The following RPH3AL variants were observed in gnomAD, a reference collection of about 807,000 sequenced individuals.
RPH3AL encodes the protein rab effector Noc2.
RPH3AL carries 38 observed loss-of-function variants against 43.1 expected under a neutral mutation model. The observed-to-expected ratio is 0.88, with a 90% confidence interval of 0.68 to 1.15. The LOEUF is 1.15. RPH3AL is among the 50% of genes most tolerant of loss of function. The pLI, the probability that RPH3AL is intolerant of heterozygous loss-of-function variation, is 0.00. For synonymous variants in RPH3AL, 189 were observed against 176.3 expected (o/e 1.07, Z -0.57); for missense variants, 462 against 423.2 (o/e 1.09, Z -0.81).
In RPH3AL at chr17:348,690, A is replaced by G. The variant is rs190516101; in HGVS notation, c.-213+4022T>C. On this transcript the variant is annotated intron_variant, in intron 1 of 9. Transcript: ENST00000331302. ...ACATTTGAGTGTTATACCCTCCCGA[A>G]TGCTTTTGTGTGGACTAATCACAGG... is the stretch of plus-strand genomic sequence containing the variant. Among the ~76,000 whole-genome samples, 384 of 152,264 alleles carry G rather than the reference A, an allele frequency of 2.5e-3. 5 individuals are homozygous for G. The highest frequency in any genetic ancestry group is 0.018 in the Admixed American group (276 of 15,292).
chr17:314,310 TGA>T (rs974563879), intron 5 of RPH3AL, among the ~76,000 whole-genome samples: 1 of 151,802 alleles, frequency 6.6e-6, no homozygotes, highest in African/African-American at 2.4e-5. Flanking sequence ...GCTGTGGGGT[TGA>T]GAGACAGGAG....
In RPH3AL at chr17:331,353, G is replaced by A. The variant is rs1366008134; in HGVS notation, c.-37+2406C>T. On this transcript the variant is annotated intron_variant, in intron 2 of 9. Transcript: ENST00000331302. Reference sequence around the variant, plus strand: ...ATGTCGCCTCCAGAGCTGGGGCCACGGGCAGCGCCAGGGCAGGTTCATCAC... The same window carrying A: ...ATGTCGCCTCCAGAGCTGGGGCCACAGGCAGCGCCAGGGCAGGTTCATCAC... 9.0e-5 allele frequency: 6 copies of A among 66,708 alleles called. No individual in the cohort carries two copies. The East Asian group carries it at 2.2e-3, about 25-fold the overall frequency. 4.1% of individuals were successfully genotyped at this position (66,708 alleles called of 1,614,324 possible).
At chr17:244,800 C>T (rs541609109) in intron 7 of RPH3AL, among the ~76,000 whole-genome samples, 63 of 152,290 alleles carry the variant, frequency 4.1e-4, no homozygotes, top group Non-Finnish European at 5.9e-4. Flanking sequence ...GTGAGGGGGG[C>T]TCTGCTCCTC....
At chr17:219,129 C>T (rs2151497722) in intron 8 of RPH3AL, among the ~76,000 whole-genome samples, 1 of 150,516 alleles carries the variant, frequency 6.6e-6, no homozygotes, top group South Asian at 2.1e-4. Context: ...AGAAGAACTC[C>T]TTGGACACCC....
intron 5 of RPH3AL, among the ~76,000 whole-genome samples, chr17:309,142 A>G (rs527398026): frequency 6.6e-6 from 1 of 152,268 alleles, no homozygotes; most frequent in South Asian, 2.1e-4. Context: ...CAAAAAATAA[A>G]AAATTTTCCA....
rs1438279389 is a variant in RPH3AL at position 245,618 on chromosome 17, C to A, written c.613+1493G>T. ...GCAGCATTTTAAACCCACAGGTGTCCACCAGCTTCTGCTCCCACTGTCTGA... is the reference window on the plus strand; with the variant it reads ...GCAGCATTTTAAACCCACAGGTGTCAACCAGCTTCTGCTCCCACTGTCTGA... On this transcript the variant is annotated intron_variant, in intron 7 of 9. Transcript: ENST00000331302. This position sits in a 1 kb window ranked among gnomAD's most constrained non-coding sequence, Gnocchi z 5.9. Among the ~76,000 whole-genome samples, 1 of 152,092 alleles carries A rather than the reference C, an allele frequency of 6.6e-6. No individual in the cohort carries two copies. The highest frequency in any genetic ancestry group is 1.5e-5 in the Non-Finnish European group (1 of 68,012).
intron 2 of RPH3AL, chr17:331,347 G>C: frequency 1.1e-5 from 1 of 93,646 alleles, no homozygotes; most frequent in Non-Finnish European, 2.2e-5. Flanking sequence ...CCAGAGCTGG[G>C]GCCACGGGCA....
chr17:284,535 C>T (rs896692228), intron 5 of RPH3AL, among the ~76,000 whole-genome samples: 1 of 151,978 alleles, frequency 6.6e-6, no homozygotes, highest in African/African-American at 2.4e-5. Flanking sequence ...CTGATGCTGA[C>T]TCTAGGAGCA....
rs527318188 is a variant in RPH3AL at position 304,951 on chromosome 17, G to A, written c.351+14469C>T. Among the ~76,000 whole-genome samples, 887 of 45,374 alleles carry A rather than the reference G, an allele frequency of 0.02. 45 individuals are homozygous for A. The East Asian group carries it at 0.27, about 14-fold the overall frequency. 29.8% of individuals were successfully genotyped at this position (45,374 alleles called of 152,430 possible). The stretch of plus-strand genomic sequence containing the variant: ...AGGGCGAGAGGGGGACAGGGCGAGA[G>A]GGGGACAGGGCGAGAGGGGGACAGG... On this transcript the variant is annotated intron_variant, in intron 5 of 9. Coordinates refer to ENST00000331302, the MANE Select transcript of RPH3AL (RefSeq NM_006987.4).
chr17:220,010 A>G (rs1402989596), intron 7 of RPH3AL, among the ~76,000 whole-genome samples: 3 of 152,138 alleles, frequency 2.0e-5, no homozygotes, highest in Non-Finnish European at 2.9e-5. Context: ...CCACCTCCAC[A>G]TGACAACCCC....
Position 215,667 on chromosome 17 carries a change from G to T in RPH3AL, c.863C>A (p.Thr288Asn). ...DPPGGPRPGL[T>N]RRAPVKDTPG... ...TTGGGTACTCACCGGGGCCCTTCGGGTCAGCCCGGGGCGGGGTCCCCCTGG... is the reference window on the plus strand; with the variant it reads ...TTGGGTACTCACCGGGGCCCTTCGGTTCAGCCCGGGGCGGGGTCCCCCTGG... Residue 288 changes from threonine to asparagine, a missense_variant, in exon 9 of 10, where the codon ACC becomes AAC. Transcript: ENST00000331302. The surrounding 1 kb of genome is among the most constrained non-coding windows in gnomAD (Gnocchi z 4.1). The T allele has an allele frequency of 7.8e-7, 1 of 1,277,854 alleles. No homozygotes were observed. Among genetic ancestry groups the T allele is most frequent in the Non-Finnish European group, 9.9e-7 (1 of 1,007,268 alleles). 79.2% of individuals were successfully genotyped at this position (1,277,854 alleles called of 1,614,324 possible).
chr17:297,922 A>G (rs1357351606), intron 5 of RPH3AL, among the ~76,000 whole-genome samples: 2 of 152,168 alleles, frequency 1.3e-5, no homozygotes. Flanking sequence ...GAGAGAGGCA[A>G]GAAAATGACA....
intron 1 of RPH3AL, among the ~76,000 whole-genome samples, chr17:351,947 G>A (rs1047701541): frequency 2.6e-5 from 4 of 152,142 alleles, no homozygotes; most frequent in African/African-American, 4.8e-5. Flanking sequence ...GTCCCGAAAC[G>A]GGCCCCTGCA....
At position 328,811 on chromosome 17, in the gene RPH3AL, G is replaced by A. The variant is rs570152557; in HGVS notation, c.-36-1232C>T. Among the ~76,000 whole-genome samples the A allele has an allele frequency of 6.6e-6, 1 of 152,316 alleles. No individual in the cohort carries two copies. Among genetic ancestry groups the A allele is most frequent in the East Asian group, 1.9e-4 (1 of 5,194 alleles). ...TGGATTATTATTTGGCCGTAAAAAG[G>A]AATGAAGTGCTAATACCAGCTACAA... On this transcript the variant is annotated intron_variant, in intron 2 of 9. Transcript: ENST00000331302. This position sits in a 1 kb window ranked among gnomAD's most constrained non-coding sequence, Gnocchi z 4.2.
At chr17:293,283 C>A (rs555099211) in intron 5 of RPH3AL, among the ~76,000 whole-genome samples, 38 of 152,200 alleles carry the variant, frequency 2.5e-4, no homozygotes, top group African/African-American at 8.0e-4. Context: ...CACTGCGTCC[C>A]GAGTGGAGAG....
intron 3 of RPH3AL, among the ~76,000 whole-genome samples, chr17:324,685 A>ATCTT (rs1348512620): frequency 4.8e-5 from 7 of 144,570 alleles, no homozygotes; most frequent in African/African-American, 1.3e-4. Flanking sequence ...CTATCTTTCT[A>ATCTT]TCTATCTAGC....
At chr17:231,139 T>C (rs59997766) in intron 7 of RPH3AL, among the ~76,000 whole-genome samples, 3,369 of 152,294 alleles carry the variant, frequency 0.022, 128 homozygotes, top group African/African-American at 0.078. Flanking sequence ...AGGATCTGCC[T>C]CTCTGCATCT....
At chr17:334,730 C>T (rs1042349504) in intron 1 of RPH3AL, among the ~76,000 whole-genome samples, 1 of 125,182 alleles carries the variant, frequency 8.0e-6, no homozygotes, top group African/African-American at 2.9e-5. Context: ...CCAGCAAGTG[C>T]GGCTCCTTCT....
intron 4 of RPH3AL, among the ~76,000 whole-genome samples, chr17:319,901 GA>G (rs2044412951): frequency 8.0e-5 from 1 of 12,562 alleles, no homozygotes; most frequent in African/African-American, 7.7e-4. Context: ...TGGGGGGAGG[GA>G]GGGGGAGGGA....
Sources: allele counts gnomAD v4.1 joint callset (sites outside exome capture counted in the v4.1 genomes callset), GRCh38; gene constraint gnomAD v4.1.1; non-coding constraint Gnocchi (gnomAD v3.1); transcripts MANE v1.5; gene names NCBI Gene and HGNC (gene_info 2026-07-23, HGNC 2026-07-21).